KDM4C: variants seen among roughly 807,000 people sequenced by gnomAD.
KDM4C encodes the protein lysine demethylase 4C.
KDM4C carries 81 observed loss-of-function variants against 129.3 expected under a neutral mutation model. The observed-to-expected ratio is 0.63, with a 90% confidence interval of 0.52 to 0.75. KDM4C has a LOEUF of 0.75. Ranked by LOEUF, KDM4C falls within the 30% of genes least tolerant of loss-of-function variation. The probability of loss-of-function intolerance (pLI) is 0.00; values close to 1 mark genes in which losing one functional copy is unlikely to be tolerated. For synonymous variants in KDM4C, 573 were observed against 456.1 expected (o/e 1.26, Z -3.26); for missense variants, 1,457 against 1,304.0 (o/e 1.12, Z -1.81).
chr9:6,802,753 T>C (rs1023180841), intron 2 of KDM4C, among the ~76,000 whole-genome samples: 1 of 152,188 alleles, frequency 6.6e-6, no homozygotes, highest in Admixed American at 6.5e-5. Flanking sequence ...ACTACAGGCA[T>C]TGACCACCAC....
chr9:7,134,973 G>A (rs1370043370), intron 19 of KDM4C, among the ~76,000 whole-genome samples: 1 of 152,114 alleles, frequency 6.6e-6, no homozygotes, highest in Non-Finnish European at 1.5e-5. Flanking sequence ...TACTTCCCAG[G>A]TCCTAGAATT....
intron 5 of KDM4C, among the ~76,000 whole-genome samples, chr9:6,872,797 C>T (rs1326974077): frequency 6.6e-6 from 1 of 152,118 alleles, no homozygotes; most frequent in East Asian, 1.9e-4. Context: ...GAATACAGCA[C>T]AGGCAAAGTA....
intron 5 of KDM4C, among the ~76,000 whole-genome samples, chr9:6,878,384 G>T (rs1843901556): frequency 1.3e-5 from 2 of 152,114 alleles, no homozygotes; most frequent in Non-Finnish European, 2.9e-5. Flanking sequence ...AAGAAGAAAA[G>T]TAGAACTAAT....
chr9:6,779,129 A>C (rs1465339068), intron 1 of KDM4C, among the ~76,000 whole-genome samples: 1 of 149,112 alleles, frequency 6.7e-6, no homozygotes, highest in Non-Finnish European at 1.5e-5. Flanking sequence ...TCCGGGTTCA[A>C]GCCATTCTCC....
chr9:6,834,868 C>T (rs1369089937), intron 4 of KDM4C: 16 of 1,325,072 alleles, frequency 1.2e-5, no homozygotes, highest in East Asian at 9.2e-5. Context: ...CCATCCAGCC[C>T]GTGCTGTCCC....
At chr9:7,013,344 A>C (rs1823041662) in intron 13 of KDM4C, among the ~76,000 whole-genome samples, 1 of 152,182 alleles carries the variant, frequency 6.6e-6, no homozygotes, top group Non-Finnish European at 1.5e-5. Context: ...CAAATACTGC[A>C]AGTGATGAGG....
intron 5 of KDM4C, among the ~76,000 whole-genome samples, chr9:6,866,336 G>A (rs1478605944): frequency 1.3e-5 from 2 of 152,048 alleles, no homozygotes; most frequent in Non-Finnish European, 2.9e-5. Flanking sequence ...TCCAGATGGT[G>A]CCTTCAGCCC....
intron 4 of KDM4C, chr9:6,835,555 A>C: frequency 1.6e-6 from 2 of 1,231,410 alleles, no homozygotes; most frequent in South Asian, 1.2e-5. Flanking sequence ...CGGCTCCATC[A>C]TCCATCCTTC....
intron 8 of KDM4C, among the ~76,000 whole-genome samples, chr9:6,964,741 C>T (rs1248115658): frequency 2.1e-5 from 3 of 139,616 alleles, no homozygotes; most frequent in African/African-American, 8.0e-5. Context: ...GAGATCACGC[C>T]ACTGCACTCC....
intron 1 of KDM4C, among the ~76,000 whole-genome samples, chr9:6,775,442 T>C (rs1822811368): frequency 2.0e-5 from 3 of 152,180 alleles, no homozygotes. Flanking sequence ...TTTTCAGTTT[T>C]TAGTTCTTAT....
In KDM4C at chr9:6,973,605, G is replaced by T. The variant is rs181187563; in HGVS notation, c.922-7320G>T. The stretch of plus-strand genomic sequence containing the variant: ...TAGCATTTAAAAATATGGTAACCTA[G>T]AATTTATTTGAAAATTGTTATTTTT... On this transcript the variant is annotated intron_variant, in intron 8 of 21. Coordinates refer to ENST00000381309, the MANE Select transcript of KDM4C (RefSeq NM_015061.6). Among the ~76,000 whole-genome samples, 88 of 152,182 alleles carry T rather than the reference G, an allele frequency of 5.8e-4. 1 individual carries two copies. The highest frequency in any genetic ancestry group is 8.3e-4 in the South Asian group (4 of 4,804).
chr9:6,823,914 A>G (rs1027013861), intron 4 of KDM4C, among the ~76,000 whole-genome samples: 2 of 152,150 alleles, frequency 1.3e-5, no homozygotes, highest in African/African-American at 4.8e-5. Flanking sequence ...GGGTTTTTCT[A>G]CTTTTTCAGG....
chr9:7,143,997 T>C (rs1841997377), intron 19 of KDM4C, among the ~76,000 whole-genome samples: 1 of 152,222 alleles, frequency 6.6e-6, no homozygotes, highest in African/African-American at 2.4e-5. Flanking sequence ...ATTTCTAGAA[T>C]GGCATTGCTC....
chr9:6,981,830 T>C (rs1816816741), intron 9 of KDM4C: 1 of 277,734 alleles, frequency 3.6e-6, no homozygotes, highest in Non-Finnish European at 8.6e-6. Context: ...TTACTCATTG[T>C]TTTTCTTTCA....
At chr9:6,836,601 T>TGCATTGTAAAAAATAGTTTTCTC (rs1289060614) in intron 4 of KDM4C, among the ~76,000 whole-genome samples, 1 of 152,160 alleles carries the variant, frequency 6.6e-6, no homozygotes, top group Non-Finnish European at 1.5e-5. Context: ...TTTGATTTCT[T>TGCATTGTAAAAAATAGTTTTCTC]GCCTTGTAAA....
At chr9:6,850,701 G>C (rs1838680834) in intron 5 of KDM4C, among the ~76,000 whole-genome samples, 1 of 151,500 alleles carries the variant, frequency 6.6e-6, no homozygotes, top group Non-Finnish European at 1.5e-5. Context: ...CAAAGTGGTA[G>C]GATTACAGGC....
At chr9:6,939,909 A>C (rs1323774681) in intron 8 of KDM4C, among the ~76,000 whole-genome samples, 1 of 151,956 alleles carries the variant, frequency 6.6e-6, no homozygotes, top group South Asian at 2.1e-4. Context: ...TGTGGGTAGA[A>C]ACCACTTTTT....
chr9:7,025,026 A>G (rs1181353150), intron 15 of KDM4C, among the ~76,000 whole-genome samples: 2 of 152,106 alleles, frequency 1.3e-5, no homozygotes. Flanking sequence ...TTTTCTTCAT[A>G]TATCTAGGTG....
At chr9:7,013,593 T>C (rs560543019) in intron 13 of KDM4C, among the ~76,000 whole-genome samples, 195 bp from the exon 14 acceptor site, 1 of 152,318 alleles carries the variant, frequency 6.6e-6, no homozygotes, top group African/African-American at 2.4e-5. Context: ...GTCCTTTTCC[T>C]GCAGATTAAC....
Sources: allele counts gnomAD v4.1 joint callset (sites outside exome capture counted in the v4.1 genomes callset), GRCh38; gene constraint gnomAD v4.1.1; transcripts MANE v1.5; gene names NCBI Gene and HGNC (gene_info 2026-07-23, HGNC 2026-07-21).